The following EI24 variants were observed in gnomAD, a reference collection of about 807,000 sequenced individuals.
The protein encoded by EI24 is etoposide-induced protein 2.4 homolog.
EI24 carries 21 observed loss-of-function variants against 48.6 expected under a neutral mutation model. The ratio of observed to expected loss-of-function variants is 0.43; its 90% CI spans 0.31 to 0.62. EI24 has a LOEUF of 0.62. Among genes scored for constraint, EI24 ranks in the 20% least tolerant of loss-of-function variants. EI24 has a pLI of 0.10. For missense variants in EI24, 280 were observed against 410.5 expected (o/e 0.68, Z 2.75); for synonymous variants, 114 against 145.5 (o/e 0.78, Z 1.56).
intron 3 of EI24, chr11:125,576,040 A>G: frequency 3.7e-6 from 2 of 545,114 alleles, no homozygotes; most frequent in East Asian, 3.2e-5. Context: ...ATCGCCTACC[A>G]CGGCCTCCCA....
chr11:125,573,173 C>T (rs992971111), intron 2 of EI24, among the ~76,000 whole-genome samples: 1 of 151,896 alleles, frequency 6.6e-6, no homozygotes, highest in Non-Finnish European at 1.5e-5. Flanking sequence ...CCCAAAGTGC[C>T]GGGATTATAG....
At chr11:125,576,175 T>G in intron 3 of EI24, 80 bp from the exon 4 acceptor site, 1 of 1,324,596 alleles carries the variant, frequency 7.5e-7, no homozygotes, top group South Asian at 1.2e-5. Context: ...CCACAAAAGA[T>G]AAGATATAAA....
chr11:125,572,671 A>G, intron 2 of EI24, 102 bp downstream of exon 2: 1 of 1,099,522 alleles, frequency 9.1e-7, no homozygotes, highest in Non-Finnish European at 1.3e-6. Context: ...CTTTTATCAT[A>G]TTTCTTGGGT....
Position 125,583,599 on chromosome 11 carries a change from G to T in EI24, c.939G>T (p.Ser313=). ...RLFHKTVYLQ[S]ALSSSTSAEK... is the part of the protein sequence containing the mutation. The stretch of plus-strand genomic sequence containing the variant: ...TCCACAAGACAGTCTACCTGCAGTC[G>T]GCCCTGAGCAGCTCTACTTCTGCAG... Residue 313 remains serine (S), a synonymous_variant, in exon 11 of 11, where the codon TCG becomes TCT. Transcript: ENST00000278903. 1 of 1,612,898 alleles carries T rather than the reference G, an allele frequency of 6.2e-7. No individual in the cohort carries two copies. Among genetic ancestry groups the T allele is most frequent in the Non-Finnish European group, 8.5e-7 (1 of 1,179,706 alleles).
At chr11:125,570,310 A>G (rs1938487840) in intron 1 of EI24, 1 of 152,204 alleles carries the variant, frequency 6.6e-6, no homozygotes, top group Non-Finnish European at 1.5e-5. Flanking sequence ...AGCCAGATGC[A>G]TCTTCATCTG....
rs1202823504 is a variant in EI24 at position 125,569,765 on chromosome 11, C to G, written c.-71+192C>G. The G allele has an allele frequency of 2.7e-5, 8 of 301,464 alleles. No individual in the cohort carries two copies. In the South Asian group the frequency reaches 8.1e-4, roughly 31 times the overall value. 18.7% of individuals were successfully genotyped at this position (301,464 alleles called of 1,614,324 possible). A position where few individuals can be genotyped will look rare whatever the true frequency, so the allele number is the denominator to read the frequency against. The stretch of plus-strand genomic sequence containing the variant: ...CCGGGCGAGGCTGCCCCAGGTGCGG[C>G]GCAGCTATCTTTAGCTCCCTGTGTG... On this transcript the variant is annotated intron_variant, in intron 1 of 10. Coordinates refer to ENST00000278903, the MANE Select transcript of EI24 (RefSeq NM_004879.5).
intron 2 of EI24, among the ~76,000 whole-genome samples, chr11:125,574,463 A>C (rs926728846): frequency 1.9e-4 from 29 of 152,234 alleles, no homozygotes; most frequent in African/African-American, 6.8e-4. Context: ...AGACAAAAAA[A>C]GATCAAAGGC....
intron 2 of EI24, chr11:125,573,463 G>A: frequency 3.4e-6 from 1 of 295,266 alleles, no homozygotes; most frequent in Admixed American, 3.8e-5. Flanking sequence ...TACCTTTATG[G>A]CCAGGGGAGG....
chr11:125,582,281 ATCT>A (rs1220063456), intron 9 of EI24, 62 bp from the exon 10 acceptor site: 6 of 1,389,386 alleles, frequency 4.3e-6, no homozygotes, highest in African/African-American at 1.5e-5. Context: ...AGCTTCTAAT[ATCT>A]TCTTCAAAGT....
intron 1 of EI24, 74 bp from the exon 2 acceptor site, chr11:125,572,384 C>A: frequency 2.8e-6 from 2 of 718,802 alleles, no homozygotes; most frequent in South Asian, 1.6e-5. Flanking sequence ...GTGAGGTCAT[C>A]ATGTGGAAAT....
In EI24 at chr11:125,571,603, G is replaced by A. The variant is rs1473637325; in HGVS notation, c.-70-855G>A. 2.6e-5 allele frequency among the ~76,000 whole-genome samples: 4 copies of A among 152,192 alleles called. No individual in the cohort carries two copies. In the East Asian group the frequency reaches 7.7e-4, roughly 29 times the overall value. On this transcript the variant is annotated intron_variant, in intron 1 of 10. Transcript: ENST00000278903. The stretch of plus-strand genomic sequence containing the variant: ...AGAAAACAGAAAAGACCAGCCGGGC[G>A]TGGTGGCTCATGCCTGTAATCCTAG...
Position 125,569,566 on chromosome 11 carries a change from A to G in EI24, c.-78A>G. 1 of 370,118 alleles carries G rather than the reference A, an allele frequency of 2.7e-6. No individual in the cohort carries two copies. Among genetic ancestry groups the G allele is most frequent in the Non-Finnish European group, 4.8e-6 (1 of 207,848 alleles). The allele number at this position is 370,118 out of a possible 1,614,324, so 22.9% of individuals were successfully genotyped here. A position where few individuals can be genotyped will look rare whatever the true frequency, so the allele number is the denominator to read the frequency against. ...GGCAGGGCCGGAGCCGCGGCGGCGGAGCTGTGGGTAGGTGCGGGCTCAGCC... is the reference window on the plus strand; with the variant it reads ...GGCAGGGCCGGAGCCGCGGCGGCGGGGCTGTGGGTAGGTGCGGGCTCAGCC... On this transcript the variant is annotated 5_prime_UTR_variant, in exon 1 of 11. Coordinates refer to ENST00000278903, the MANE Select transcript of EI24 (RefSeq NM_004879.5).
chr11:125,569,764 G>C, intron 1 of EI24, 191 bp downstream of exon 1: 1 of 302,726 alleles, frequency 3.3e-6, no homozygotes, highest in Non-Finnish European at 6.1e-6. Context: ...CCCAGGTGCG[G>C]CGCAGCTATC....
chr11:125,578,480 CTT>C (rs370986926), intron 6 of EI24, among the ~76,000 whole-genome samples: 5,607 of 83,868 alleles, frequency 0.067, 23 homozygotes, highest in Middle Eastern at 0.13. Flanking sequence ...TTCGTTTTGG[CTT>C]TTTTTTTTTT....
chr11:125,575,490 TTTC>T (rs1261618184), intron 3 of EI24, 82 bp downstream of exon 3: 1 of 1,383,002 alleles, frequency 7.2e-7, no homozygotes, highest in Non-Finnish European at 9.5e-7. Context: ...TGCCATTTTA[TTTC>T]TTTTGTGCTT....
intron 2 of EI24, chr11:125,573,418 G>C (rs1231818657): frequency 5.1e-6 from 1 of 195,910 alleles, no homozygotes. Context: ...CTTGGAGTGG[G>C]GAGGTTCTTT....
At position 125,578,946 on chromosome 11, in the gene EI24, C is replaced by T. The variant is rs1208242506; in HGVS notation, c.442-3C>T. On this transcript the variant is annotated splice_region_variant and splice_polypyrimidine_tract_variant and intron_variant, in intron 6 of 10. Transcript: ENST00000278903. ...ATGTTTTGGTACACTTTCTCTGTTA[C>T]AGGATATAGCTGACCTGGCATTTGA... is the stretch of plus-strand genomic sequence containing the variant. The T allele has an allele frequency of 1.9e-6, 3 of 1,575,734 alleles. No homozygotes were observed. The highest frequency in any genetic ancestry group is 2.3e-5 in the East Asian group (1 of 43,670).
intron 5 of EI24, 162 bp downstream of exon 5, chr11:125,577,732 C>G (rs1477322099): frequency 2.2e-5 from 14 of 626,556 alleles, no homozygotes; most frequent in Non-Finnish European, 3.7e-5. Context: ...CGTTATTCTC[C>G]TAGAGGCCCT....
At chr11:125,570,926 G>A (rs1156376643) in intron 1 of EI24, among the ~76,000 whole-genome samples, 1 of 152,084 alleles carries the variant, frequency 6.6e-6, no homozygotes, top group African/African-American at 2.4e-5. Context: ...CTACGCGACT[G>A]GAACTCTGAG....
Sources: allele counts gnomAD v4.1 joint callset (sites outside exome capture counted in the v4.1 genomes callset), GRCh38; gene constraint gnomAD v4.1.1; transcripts MANE v1.5; gene names NCBI Gene and HGNC (gene_info 2026-07-23, HGNC 2026-07-21).